The following AUTS2 variants were observed in gnomAD, a reference collection of about 807,000 sequenced individuals.
AUTS2 encodes the protein autism susceptibility gene 2 protein.
A neutral mutation model predicts 112.4 loss-of-function variants in AUTS2; 17 were observed. That is an observed-to-expected ratio of 0.15 (90% CI 0.10 to 0.23). AUTS2 has a LOEUF of 0.23. AUTS2 is among the 10% of genes least tolerant of loss of function. The pLI is 1.00. For synonymous variants in AUTS2, 751 were observed against 702.7 expected (o/e 1.07, Z -1.09); for missense variants, 1,510 against 1,701.6 (o/e 0.89, Z 1.98).
chr7:70,513,501 T>TA (rs1372430912), intron 5 of AUTS2, among the ~76,000 whole-genome samples: 3 of 152,174 alleles, frequency 2.0e-5, no homozygotes, highest in African/African-American at 7.2e-5. Flanking sequence ...GCATATAATC[T>TA]ATCCCCCTGT....
chr7:70,684,790 C>T (rs1365331740), intron 5 of AUTS2, among the ~76,000 whole-genome samples: 2 of 152,198 alleles, frequency 1.3e-5, no homozygotes, highest in Non-Finnish European at 2.9e-5. Context: ...GACCTCCTTA[C>T]ACTCCTGTAT....
chr7:69,882,294 T>C (rs563722562), intron 1 of AUTS2, among the ~76,000 whole-genome samples: 103 of 151,848 alleles, frequency 6.8e-4, no homozygotes, highest in African/African-American at 2.4e-3. Flanking sequence ...GGCAACATAA[T>C]GAGACCCCAT....
At chr7:70,392,021 T>TC (rs1413219289) in intron 4 of AUTS2, among the ~76,000 whole-genome samples, 1 of 152,066 alleles carries the variant, frequency 6.6e-6, no homozygotes, top group Non-Finnish European at 1.5e-5. Context: ...CAGTGAAGTT[T>TC]CCCCCGGGAA....
intron 1 of AUTS2, among the ~76,000 whole-genome samples, chr7:69,695,955 G>A (rs1584088775): frequency 6.6e-6 from 1 of 152,150 alleles, no homozygotes; most frequent in East Asian, 1.9e-4. Flanking sequence ...TCTACAAATA[G>A]GAAGACACCC....
At chr7:70,329,314 G>A (rs1444448978) in intron 4 of AUTS2, among the ~76,000 whole-genome samples, 2 of 152,098 alleles carry the variant, frequency 1.3e-5, no homozygotes, top group Admixed American at 6.6e-5. Flanking sequence ...ATTGCAGGAC[G>A]ATATGATACT....
At chr7:69,644,465 T>C (rs886990944) in intron 1 of AUTS2, among the ~76,000 whole-genome samples, 4 of 151,678 alleles carry the variant, frequency 2.6e-5, no homozygotes, top group African/African-American at 7.3e-5. Context: ...AGTTATGTAG[T>C]GAATTCTCAA....
In AUTS2 at chr7:70,763,328, C is replaced by A; in HGVS notation, c.1201C>A (p.Leu401Ile). ...AGCCTACAACAGCAGTAGCTTAAGC[C>A]TCAACAGTTTAAGGTGAGTGGCCTG... ...LSAYNSSSLS[L>I]NSLSSSRSST... Residue 401 changes from leucine to isoleucine, a missense_variant, in exon 7 of 19, where the codon CTC becomes ATC. Coordinates refer to ENST00000342771, the MANE Select transcript of AUTS2 (RefSeq NM_015570.4). 1 of 1,575,028 alleles carries A rather than the reference C, an allele frequency of 6.3e-7. No individual in the cohort carries two copies. Among genetic ancestry groups the A allele is most frequent in the Non-Finnish European group, 8.6e-7 (1 of 1,159,126 alleles).
chr7:69,933,760 C>T (rs904053399), intron 2 of AUTS2, among the ~76,000 whole-genome samples: 4 of 152,132 alleles, frequency 2.6e-5, no homozygotes, highest in Non-Finnish European at 5.9e-5. Context: ...CCACCTCAGC[C>T]TCCCAAAATG....
chr7:70,701,940 T>C (rs1255774964), intron 6 of AUTS2, among the ~76,000 whole-genome samples: 1 of 152,204 alleles, frequency 6.6e-6, no homozygotes, highest in African/African-American at 2.4e-5. Context: ...ATTGAAATGC[T>C]ATAGGAGCAA....
At chr7:70,633,265 C>A (rs942612074) in intron 5 of AUTS2, among the ~76,000 whole-genome samples, 1 of 152,192 alleles carries the variant, frequency 6.6e-6, no homozygotes, top group Non-Finnish European at 1.5e-5. Flanking sequence ...CAGCACAGCT[C>A]ACTCACCCAT....
In AUTS2 at chr7:70,257,207, CA is replaced by C. The variant is rs552905227; in HGVS notation, c.660+122637del. On this transcript the variant is annotated intron_variant, in intron 4 of 18. Coordinates refer to ENST00000342771, the MANE Select transcript of AUTS2 (RefSeq NM_015570.4). ...CCAGGCTGGAGATCAGTGGCATAAT[CA>C]TAACTCATTGCAACCTCGACCTCCT... Among the ~76,000 whole-genome samples the C allele has an allele frequency of 8.5e-5, 13 of 152,304 alleles. No homozygotes were observed. In the South Asian group the frequency reaches 2.3e-3, roughly 27 times the overall value.
chr7:70,486,444 AGTT>A (rs1798001706), intron 5 of AUTS2, among the ~76,000 whole-genome samples: 2 of 152,336 alleles, frequency 1.3e-5, no homozygotes, highest in Middle Eastern at 3.4e-3. Context: ...AATAAATGTT[AGTT>A]GTTGTTTGGC....
intron 2 of AUTS2, among the ~76,000 whole-genome samples, chr7:69,926,033 A>C (rs1461526022): frequency 1.3e-5 from 2 of 152,204 alleles, no homozygotes; most frequent in Non-Finnish European, 2.9e-5. Flanking sequence ...TGCTTGTATG[A>C]CTTGTATCCT....
intron 1 of AUTS2, among the ~76,000 whole-genome samples, chr7:69,765,760 CA>C (rs1788392989): frequency 6.6e-6 from 1 of 151,918 alleles, no homozygotes; most frequent in Non-Finnish European, 1.5e-5. Context: ...GGCAACATGG[CA>C]AAACCCCATG....
chr7:70,748,026 C>T (rs1174656196), intron 6 of AUTS2, among the ~76,000 whole-genome samples: 3 of 128,394 alleles, frequency 2.3e-5, no homozygotes, highest in African/African-American at 9.4e-5. Flanking sequence ...GATGGGGTTT[C>T]ACCATGTTAG....
chr7:69,699,532 A>G (rs928877722), intron 1 of AUTS2, among the ~76,000 whole-genome samples: 2 of 151,822 alleles, frequency 1.3e-5, no homozygotes, highest in Non-Finnish European at 2.9e-5. Context: ...TCCTTTTTAT[A>G]GCTGCTTAAT....
chr7:70,232,717 T>G (rs1475022853), intron 4 of AUTS2, among the ~76,000 whole-genome samples: 1 of 152,192 alleles, frequency 6.6e-6, no homozygotes, highest in Non-Finnish European at 1.5e-5. Flanking sequence ...TTATATCAAG[T>G]GTTTTTCCTT....
intron 1 of AUTS2, among the ~76,000 whole-genome samples, chr7:69,644,589 A>G (rs1471945980): frequency 6.6e-6 from 1 of 151,910 alleles, no homozygotes; most frequent in Non-Finnish European, 1.5e-5. Flanking sequence ...GCCTTCCCCT[A>G]GTTTTCTACA....
At chr7:69,876,748 C>A (rs1793821562) in intron 1 of AUTS2, among the ~76,000 whole-genome samples, 1 of 151,570 alleles carries the variant, frequency 6.6e-6, no homozygotes, top group South Asian at 2.1e-4. Flanking sequence ...AGGATTTAGA[C>A]CCTTTTCCAG....
Sources: gnomAD v4.1 joint callset for allele counts (sites outside exome capture counted in the v4.1 genomes callset) on GRCh38, gnomAD v4.1.1 for gene constraint, MANE v1.5 for transcripts, NCBI Gene and HGNC (gene_info 2026-07-23, HGNC 2026-07-21) for gene names.